The following SLC25A21 variants were observed in gnomAD, a reference collection of about 807,000 sequenced individuals.
The protein encoded by SLC25A21 is solute carrier family 25 member 21.
A neutral mutation model predicts 43.8 loss-of-function variants in SLC25A21; 47 were observed. That is an observed-to-expected ratio of 1.07 (90% CI 0.85 to 1.37). SLC25A21 has a LOEUF of 1.37. Among genes scored for constraint, SLC25A21 ranks in the 40% most tolerant of loss-of-function variants. The pLI, the probability that SLC25A21 is intolerant of heterozygous loss-of-function variation, is 0.00. For missense variants in SLC25A21, 352 were observed against 350.2 expected, an observed-to-expected ratio of 1.00 and a Z score of -0.04; for synonymous variants, 131 against 121.3, an observed-to-expected ratio of 1.08 and a Z score of -0.52.
chr14:36,805,348 C>T (rs977439213), intron 3 of SLC25A21, among the ~76,000 whole-genome samples: 1 of 152,100 alleles, frequency 6.6e-6, no homozygotes, highest in East Asian at 1.9e-4. Flanking sequence ...GTGATGACAG[C>T]AGGGAGATCT....
intron 1 of SLC25A21, among the ~76,000 whole-genome samples, chr14:37,142,266 T>A (rs1053899619): frequency 1.3e-5 from 2 of 152,240 alleles, no homozygotes; most frequent in African/African-American, 4.8e-5. Flanking sequence ...CCAGTGATAA[T>A]TGACTGAGAC....
At chr14:36,873,753 T>C (rs1436360875) in intron 2 of SLC25A21, among the ~76,000 whole-genome samples, 1 of 152,108 alleles carries the variant, frequency 6.6e-6, no homozygotes, top group Non-Finnish European at 1.5e-5. Context: ...AATGAGGTCA[T>C]GAGGGTCTTG....
At chr14:36,706,225 C>T (rs1217790813) in intron 7 of SLC25A21, among the ~76,000 whole-genome samples, 1 of 152,222 alleles carries the variant, frequency 6.6e-6, no homozygotes, top group Non-Finnish European at 1.5e-5. Context: ...TCCCTCATCA[C>T]ATCATCGGGA....
At chr14:36,805,459 GC>G (rs1194914520) in intron 3 of SLC25A21, among the ~76,000 whole-genome samples, 4 of 152,106 alleles carry the variant, frequency 2.6e-5, no homozygotes, top group African/African-American at 7.2e-5. Context: ...CTGGGATGCC[GC>G]CCTCTGAGCA....
chr14:36,886,016 T>G (rs1280305227), intron 1 of SLC25A21, among the ~76,000 whole-genome samples: 1 of 152,182 alleles, frequency 6.6e-6, no homozygotes, highest in African/African-American at 2.4e-5. Context: ...AAAAAATACT[T>G]TTATATTTTA....
chr14:36,734,595 T>C, intron 3 of SLC25A21, 22 bp from the exon 4 acceptor site: 4 of 1,573,232 alleles, frequency 2.5e-6, no homozygotes, highest in Non-Finnish European at 3.5e-6. Context: ...ATAAAAGATT[T>C]CCTATGAGTA....
intron 4 of SLC25A21, 127 bp from the exon 5 acceptor site, chr14:36,729,693 ACAGTTTTT>A (rs1378439649): frequency 4.1e-6 from 3 of 737,416 alleles, no homozygotes; most frequent in Non-Finnish European, 4.4e-6. Context: ...ACTATCTAAT[ACAGTTTTT>A]AATCCTGTCT....
At chr14:36,754,590 C>T (rs1353700789) in intron 3 of SLC25A21, among the ~76,000 whole-genome samples, 4 of 152,192 alleles carry the variant, frequency 2.6e-5, no homozygotes, top group East Asian at 1.9e-4. Flanking sequence ...TGATATGGGA[C>T]GGAAGCCCAG....
At chr14:36,784,334 G>A (rs997257862) in intron 3 of SLC25A21, among the ~76,000 whole-genome samples, 3 of 152,164 alleles carry the variant, frequency 2.0e-5, no homozygotes, top group African/African-American at 7.2e-5. Context: ...ATGCAGTCTG[G>A]ATGATCCATA....
At chr14:36,933,836 T>G (rs1227633735) in intron 1 of SLC25A21, among the ~76,000 whole-genome samples, 1 of 152,088 alleles carries the variant, frequency 6.6e-6, no homozygotes, top group East Asian at 1.9e-4. Context: ...GAGAGCAGAG[T>G]AGAGTTTCCT....
At chr14:36,849,294 T>C (rs1408826679) in intron 2 of SLC25A21, among the ~76,000 whole-genome samples, 1 of 152,154 alleles carries the variant, frequency 6.6e-6, no homozygotes, top group African/African-American at 2.4e-5. Flanking sequence ...AAGAGGACTT[T>C]GGGGGATGAT....
chr14:36,875,932 A>G lies in SLC25A21; in HGVS notation c.71-928T>C, dbSNP rs997184576. 4.6e-5 allele frequency among the ~76,000 whole-genome samples: 7 copies of G among 152,194 alleles called. No homozygotes were observed. In the East Asian group the frequency reaches 1.3e-3, roughly 29 times the overall value. On this transcript the variant is annotated intron_variant, in intron 1 of 9. Transcript: ENST00000331299. ...ATAGTAGTCATCATTATGGTATTAT[A>G]GAGGTAATAACAGTAATAGTTACCT...
intron 1 of SLC25A21, among the ~76,000 whole-genome samples, chr14:36,973,188 A>T (rs890295019): frequency 6.6e-6 from 1 of 152,096 alleles, no homozygotes; most frequent in Non-Finnish European, 1.5e-5. Context: ...TTAGAGCCAC[A>T]TTTTAGAAAA....
At chr14:36,717,273 C>T (rs1013435195) in intron 6 of SLC25A21, among the ~76,000 whole-genome samples, 1 of 152,130 alleles carries the variant, frequency 6.6e-6, no homozygotes, top group African/African-American at 2.4e-5. Context: ...CTTAAAAAGT[C>T]CACATTTATA....
At position 36,711,368 on chromosome 14, in the gene SLC25A21, C is replaced by A; in HGVS notation, c.553G>T (p.Val185Phe). The change falls in exon 7 of 10, where the codon GTT (valine) becomes TTT (phenylalanine). Residue 185 changes from valine (V) to phenylalanine (F), a missense_variant. Transcript: ENST00000331299. Reference sequence around the variant, plus strand: ...ACATTGTAGTAGAAGCCAAAATAAACCATGTTGAAAACTCCATGTCGTCCC... The same window carrying A: ...ACATTGTAGTAGAAGCCAAAATAAAACATGTTGAAAACTCCATGTCGTCCC... Reference protein sequence around the residue: ...TLGRHGVFNMVYFGFYYNVKN... With the variant: ...TLGRHGVFNMFYFGFYYNVKN... 1 of 1,614,080 alleles carries A rather than the reference C, an allele frequency of 6.2e-7. No individual in the cohort carries two copies. The highest frequency in any genetic ancestry group is 8.5e-7 in the Non-Finnish European group (1 of 1,179,986).
At chr14:36,987,499 C>T (rs1960171568) in intron 1 of SLC25A21, among the ~76,000 whole-genome samples, 1 of 152,158 alleles carries the variant, frequency 6.6e-6, no homozygotes, top group African/African-American at 2.4e-5. Context: ...TTTGGGGTGT[C>T]TAACACTTAC....
chr14:37,145,911 T>G (rs1963656600), intron 1 of SLC25A21, among the ~76,000 whole-genome samples: 1 of 152,146 alleles, frequency 6.6e-6, no homozygotes, highest in East Asian at 1.9e-4. Context: ...GAGCCCTTTT[T>G]TATTTCCTTT....
At chr14:37,015,194 C>T (rs1356684707) in intron 1 of SLC25A21, among the ~76,000 whole-genome samples, 1 of 111,998 alleles carries the variant, frequency 8.9e-6, no homozygotes, top group South Asian at 4.0e-4. Flanking sequence ...CTCCCCCCTC[C>T]CCCCACCCCA....
intron 1 of SLC25A21, among the ~76,000 whole-genome samples, chr14:37,010,136 G>A (rs989332229): frequency 6.6e-6 from 1 of 152,120 alleles, no homozygotes; most frequent in Non-Finnish European, 1.5e-5. Flanking sequence ...ATAATGGGAT[G>A]GTTTAAGATT....
Sources: gnomAD v4.1 joint callset for allele counts (sites outside exome capture counted in the v4.1 genomes callset) on GRCh38, gnomAD v4.1.1 for gene constraint, MANE v1.5 for transcripts, NCBI Gene and HGNC (gene_info 2026-07-23, HGNC 2026-07-21) for gene names.